The following GPR180 variants were observed in gnomAD, a reference collection of about 807,000 sequenced individuals.
The protein encoded by GPR180 is G protein-coupled receptor 180.
In GPR180, 53 loss-of-function variants were observed where a neutral mutation model predicts 52.6. The observed-to-expected ratio is 1.01, with a 90% CI of 0.81 to 1.27. The LOEUF is 1.27. Among genes scored for constraint, GPR180 ranks in the 50% most tolerant of loss-of-function variants. GPR180 has a pLI of 0.00. For missense variants in GPR180, 533 were observed against 527.0 expected (o/e 1.01, Z -0.11); for synonymous variants, 200 against 193.1 (o/e 1.04, Z -0.30).
In GPR180 at chr13:94,631,428, C is replaced by T. The variant is rs1889995942; in HGVS notation, c.*4257C>T. 1 of 151,712 alleles carries T rather than the reference C, an allele frequency of 6.6e-6. No homozygotes were observed. The allele number at this position is 151,712 out of a possible 1,614,324, so 9.4% of individuals were successfully genotyped here. ...TAGATCCTAGTGGTTCTTTTCTGATCAGACCCTGATTAACCATACCATCCT... is the reference window on the plus strand; with the variant it reads ...TAGATCCTAGTGGTTCTTTTCTGATTAGACCCTGATTAACCATACCATCCT... On this transcript the variant is annotated 3_prime_UTR_variant, in exon 9 of 9. Coordinates refer to ENST00000376958, the MANE Select transcript of GPR180 (RefSeq NM_180989.6).
chr13:94,619,466 A>AGTT lies in GPR180; in HGVS notation c.687-1_688dup. 3 of 1,612,112 alleles carry AGTT rather than the reference A, an allele frequency of 1.9e-6. No individual in the cohort carries two copies. Among genetic ancestry groups the AGTT allele is most frequent in the Non-Finnish European group, 2.5e-6 (3 of 1,178,722 alleles). On this transcript the variant is annotated splice_acceptor_variant, in intron 4 of 8. Transcript: ENST00000376958. LOFTEE classifies it high-confidence loss of function. ...TTACACTACTCTTCTTCAATTCCTCAGTTACTCCAAAGATGGAATAGGGGT... is the reference window on the plus strand; with the variant it reads ...TTACACTACTCTTCTTCAATTCCTCAGTTGTTACTCCAAAGATGGAATAGGGGT...
In GPR180 at chr13:94,632,356, G is replaced by T. The variant is rs1473208507; in HGVS notation, c.*5185G>T. ...TGTTACCAGTTATCTTTCTAGAAATGGCCCCATGCACATATAAACATATAT... is the reference window on the plus strand; with the variant it reads ...TGTTACCAGTTATCTTTCTAGAAATTGCCCCATGCACATATAAACATATAT... On this transcript the variant is annotated 3_prime_UTR_variant, in exon 9 of 9. Coordinates refer to ENST00000376958, the MANE Select transcript of GPR180 (RefSeq NM_180989.6). 2 of 152,088 alleles carry T rather than the reference G, an allele frequency of 1.3e-5. No individual in the cohort carries two copies. The highest frequency in any genetic ancestry group is 2.9e-5 in the Non-Finnish European group (2 of 68,012). 9.4% of individuals were successfully genotyped at this position (152,088 alleles called of 1,614,324 possible).
rs1428066413 is a variant in GPR180, at chr13:94,632,404, A to C, written c.*5233A>C. 2.0e-5 allele frequency: 3 copies of C among 152,234 alleles called. No individual in the cohort carries two copies. The highest frequency in any genetic ancestry group is 7.2e-5 in the African/African-American group (3 of 41,456). 9.4% of individuals were successfully genotyped at this position (152,234 alleles called of 1,614,324 possible). ...TATGAAACACAAATTATAGCATAAC[A>C]TACAGACTTTTGCACATTCAGCAAT... On this transcript the variant is annotated 3_prime_UTR_variant, in exon 9 of 9. Transcript: ENST00000376958.
Position 94,605,642 on chromosome 13 carries a change from T to C in GPR180, c.304+93T>C. ...CCATATGTACATATGTTATGTTTCC[T>C]GACAGCATAATCCCACTGTGATGAC... On this transcript the variant is annotated intron_variant, in intron 2 of 8. Coordinates refer to ENST00000376958, the MANE Select transcript of GPR180 (RefSeq NM_180989.6). 5 of 1,040,124 alleles carry C rather than the reference T, an allele frequency of 4.8e-6. No homozygotes were observed. The South Asian group carries it at 8.7e-5, about 18-fold the overall frequency. The allele number at this position is 1,040,124 out of a possible 1,614,324, so 64.4% of individuals were successfully genotyped here. A position where few individuals can be genotyped will look rare whatever the true frequency, so the allele number is the denominator to read the frequency against.
rs527692655 is a variant in GPR180, at chr13:94,622,991, A to G, written c.895-118A>G. On this transcript the variant is annotated intron_variant, in intron 6 of 8. Transcript: ENST00000376958. ...TGTACTTTATTAATTAACAACCTCT[A>G]TGGTCTGATAGGAATGTTTATATAA... 48 of 693,756 alleles carry G rather than the reference A, an allele frequency of 6.9e-5. 1 individual carries two copies. Among genetic ancestry groups the G allele is most frequent in the Admixed American group, 1.1e-4 (4 of 37,208 alleles). The allele number at this position is 693,756 out of a possible 1,614,324, so 43.0% of individuals were successfully genotyped here. A position where few individuals can be genotyped will look rare whatever the true frequency, so the allele number is the denominator to read the frequency against.
chr13:94,622,966 T>G (rs1889870507), intron 6 of GPR180, 143 bp from the exon 7 acceptor site: 1 of 610,954 alleles, frequency 1.6e-6, no homozygotes, highest in South Asian at 2.2e-5. Flanking sequence ...ATGAAAAGAC[T>G]GTACTTTATT....
Position 94,630,805 on chromosome 13 carries a change from T to C in GPR180, c.*3634T>C, listed in dbSNP as rs943044020. ...GATGTCTTTTAGAGAACTCACCATC[T>C]GTGGTGGATTTATATGGTGCAGTTT... On this transcript the variant is annotated 3_prime_UTR_variant, in exon 9 of 9. Coordinates refer to ENST00000376958, the MANE Select transcript of GPR180 (RefSeq NM_180989.6). 3 of 152,256 alleles carry C rather than the reference T, an allele frequency of 2.0e-5. No homozygotes were observed. Among genetic ancestry groups the C allele is most frequent in the Admixed American group, 1.3e-4 (2 of 15,288 alleles). 9.4% of individuals were successfully genotyped at this position (152,256 alleles called of 1,614,324 possible). A position where few individuals can be genotyped will look rare whatever the true frequency, so the allele number is the denominator to read the frequency against.
rs574700809 is a variant in GPR180 at position 94,610,788 on chromosome 13, C to T, written c.305-1402C>T. 1.4e-4 allele frequency among the ~76,000 whole-genome samples: 22 copies of T among 152,288 alleles called. No individual in the cohort carries two copies. In the East Asian group the frequency reaches 4.2e-3, roughly 29 times the overall value. ...CGTTGGCATTTTAGGGGGAATAATT[C>T]TTTGCATGAGGTTCAACACAGCCCC... On this transcript the variant is annotated intron_variant, in intron 2 of 8. Coordinates refer to ENST00000376958, the MANE Select transcript of GPR180 (RefSeq NM_180989.6).
At position 94,631,003 on chromosome 13, in the gene GPR180, G is replaced by C. The variant is rs1214543471; in HGVS notation, c.*3832G>C. On this transcript the variant is annotated 3_prime_UTR_variant, in exon 9 of 9. Coordinates refer to ENST00000376958, the MANE Select transcript of GPR180 (RefSeq NM_180989.6). ...GACAAGGCACAAGGCACAAGGCACT[G>C]TTGCAGCTTATCCACATTATTGCTT... is the stretch of plus-strand genomic sequence containing the variant. 2 of 152,244 alleles carry C rather than the reference G, an allele frequency of 1.3e-5. No homozygotes were observed. The highest frequency in any genetic ancestry group is 2.9e-5 in the Non-Finnish European group (2 of 68,044). 9.4% of individuals were successfully genotyped at this position (152,244 alleles called of 1,614,324 possible).
At chr13:94,602,482 CT>C (rs34288293) in intron 1 of GPR180, among the ~76,000 whole-genome samples, 3,041 of 134,432 alleles carry the variant, frequency 0.023, 31 homozygotes, top group South Asian at 0.041. Context: ...CTTAAATTTC[CT>C]TTTTTTTTTT....
At chr13:94,624,156 TCTATA>T (rs1346873363) in intron 7 of GPR180, among the ~76,000 whole-genome samples, 1 of 152,180 alleles carries the variant, frequency 6.6e-6, no homozygotes, top group South Asian at 2.1e-4. Context: ...CAGTTTTTTT[TCTATA>T]CAGGAGAAGG....
chr13:94,618,410 T>A (rs1041902489), intron 3 of GPR180, among the ~76,000 whole-genome samples: 1 of 149,106 alleles, frequency 6.7e-6, no homozygotes, highest in Non-Finnish European at 1.5e-5. Flanking sequence ...AGTCGCATGA[T>A]CAGCACAGGA....
chr13:94,604,532 G>T (rs1226728101), intron 1 of GPR180, among the ~76,000 whole-genome samples: 1 of 152,018 alleles, frequency 6.6e-6, no homozygotes, highest in Non-Finnish European at 1.5e-5. Context: ...GGAGGTTGCA[G>T]TGAGCCGAGA....
chr13:94,620,788 G>C (rs1366264558), intron 5 of GPR180, among the ~76,000 whole-genome samples: 1 of 152,130 alleles, frequency 6.6e-6, no homozygotes, highest in Non-Finnish European at 1.5e-5. Context: ...GAAACGAAAA[G>C]AGTTAAGGTT....
At position 94,627,334 on chromosome 13, in the gene GPR180, AAAG is replaced by A; in HGVS notation, c.*164_*166del. 2.0e-6 allele frequency: 1 copy of A among 512,422 alleles called. No homozygotes were observed. The highest frequency in any genetic ancestry group is 3.3e-6 in the Non-Finnish European group (1 of 298,680). 31.7% of individuals were successfully genotyped at this position (512,422 alleles called of 1,614,324 possible). A position where few individuals can be genotyped will look rare whatever the true frequency, so the allele number is the denominator to read the frequency against. On this transcript the variant is annotated 3_prime_UTR_variant, in exon 9 of 9. Coordinates refer to ENST00000376958, the MANE Select transcript of GPR180 (RefSeq NM_180989.6). ...TTTAAGCAGTACCAAGACTGAAAAAAAAGGTAATAAATGAAATGTTTTGAAATA... is the reference window on the plus strand; with the variant it reads ...TTTAAGCAGTACCAAGACTGAAAAAAGTAATAAATGAAATGTTTTGAAATA...
At chr13:94,624,063 G>C (rs1017130844) in intron 7 of GPR180, among the ~76,000 whole-genome samples, 1 of 152,162 alleles carries the variant, frequency 6.6e-6, no homozygotes, top group Admixed American at 6.5e-5. Context: ...GTTTCAGCCA[G>C]CCTCACCCCA....
At chr13:94,607,334 C>A (rs1376953058) in intron 2 of GPR180, among the ~76,000 whole-genome samples, 1 of 152,202 alleles carries the variant, frequency 6.6e-6, no homozygotes, top group African/African-American at 2.4e-5. Flanking sequence ...TTCTTTACCA[C>A]ACCCTTAAAA....
At chr13:94,602,915 T>C (rs761423077) in intron 1 of GPR180, among the ~76,000 whole-genome samples, 22 of 152,342 alleles carry the variant, frequency 1.4e-4, no homozygotes, top group Non-Finnish European at 2.5e-4. Flanking sequence ...TTAGGAACTT[T>C]GATTTGTACA....
intron 8 of GPR180, 43 bp downstream of exon 8, chr13:94,626,086 A>G (rs960274452): frequency 3.1e-6 from 4 of 1,292,868 alleles, no homozygotes; most frequent in Admixed American, 3.5e-5. Context: ...TAATGAAAAT[A>G]TTGTCTTAAT....
Sources: allele counts gnomAD v4.1 joint callset (sites outside exome capture counted in the v4.1 genomes callset), GRCh38; gene constraint gnomAD v4.1.1; transcripts MANE v1.5; gene names NCBI Gene and HGNC (gene_info 2026-07-23, HGNC 2026-07-21).